Variants in TSPEAR observed in about 807,000 individuals in gnomAD.
TSPEAR encodes thrombospondin-type laminin G domain and EAR repeat-containing protein.
TSPEAR carries 69 observed loss-of-function variants against 71.6 expected under a neutral mutation model. That is an observed-to-expected ratio of 0.96 (90% CI 0.79 to 1.18). The LOEUF (loss-of-function observed/expected upper bound fraction) is 1.18. TSPEAR is among the 50% of genes most tolerant of loss of function. The pLI, the probability that TSPEAR is intolerant of heterozygous loss-of-function variation, is 0.00. For missense variants in TSPEAR, 971 were observed against 894.9 expected (o/e 1.09, Z -1.09); for synonymous variants, 402 against 387.2 (o/e 1.04, Z -0.45).
chr21:44,541,238 C>A (rs1416259111), intron 2 of TSPEAR, among the ~76,000 whole-genome samples: 1 of 152,142 alleles, frequency 6.6e-6, no homozygotes, highest in African/African-American at 2.4e-5. Flanking sequence ...CAAGGAAAAG[C>A]CTTTATAAAA....
intron 1 of TSPEAR, among the ~76,000 whole-genome samples, chr21:44,659,376 C>A (rs587688610): frequency 1.1e-4 from 8 of 74,692 alleles, no homozygotes; most frequent in African/African-American, 4.0e-4. Flanking sequence ...CACTGATACA[C>A]CCTAAGCACA....
intron 1 of TSPEAR, among the ~76,000 whole-genome samples, chr21:44,598,128 G>A (rs938134537): frequency 1.1e-4 from 17 of 151,824 alleles, no homozygotes; most frequent in African/African-American, 3.9e-4. Flanking sequence ...CAGGCATGCC[G>A]CAACATCACT....
At chr21:44,528,692 C>CCCT in intron 5 of TSPEAR, 109 bp from the exon 6 acceptor site, 1 of 1,434,710 alleles carries the variant, frequency 7.0e-7, no homozygotes, top group Non-Finnish European at 9.3e-7. Context: ...CCTCTGCATG[C>CCCT]GGGCCTGGAA....
intron 7 of TSPEAR, among the ~76,000 whole-genome samples, chr21:44,526,955 T>G (rs868974172): frequency 6.6e-6 from 1 of 152,220 alleles, no homozygotes; most frequent in Non-Finnish European, 1.5e-5. Context: ...CATTTTCTAG[T>G]GTCTTTCTGA....
At chr21:44,548,744 T>C (rs1374845527) in intron 2 of TSPEAR, among the ~76,000 whole-genome samples, 1 of 152,202 alleles carries the variant, frequency 6.6e-6, no homozygotes, top group Non-Finnish European at 1.5e-5. Context: ...GCTGCACCAT[T>C]TCCTCTGACG....
At chr21:44,708,007 G>GCGCACA (rs1364706649) in intron 1 of TSPEAR, among the ~76,000 whole-genome samples, 3 of 122,330 alleles carry the variant, frequency 2.5e-5, no homozygotes, top group African/African-American at 1.0e-4. Flanking sequence ...CCCCGCGCGT[G>GCGCACA]CACACACACA....
chr21:44,516,376 TG>T (rs1555913434), intron 9 of TSPEAR: 1 of 152,356 alleles, frequency 6.6e-6, no homozygotes, highest in Admixed American at 6.5e-5. Context: ...TTAGGGTCTG[TG>T]GCAACTGTCC....
intron 1 of TSPEAR, among the ~76,000 whole-genome samples, chr21:44,590,175 A>G (rs1248298214): frequency 6.6e-6 from 1 of 152,242 alleles, no homozygotes; most frequent in Non-Finnish European, 1.5e-5. Flanking sequence ...TGGCGTTGAC[A>G]TGCAAGGGTC....
intron 1 of TSPEAR, among the ~76,000 whole-genome samples, chr21:44,688,336 A>G (rs530631570): frequency 1.1e-4 from 16 of 152,292 alleles, no homozygotes; most frequent in African/African-American, 3.8e-4. Flanking sequence ...AGGATGGCAG[A>G]CCCAGCCCAC....
At chr21:44,594,969 A>G (rs927672370) in intron 1 of TSPEAR, among the ~76,000 whole-genome samples, 2 of 151,710 alleles carry the variant, frequency 1.3e-5, no homozygotes, top group African/African-American at 4.8e-5. Context: ...TTACAGGCAT[A>G]AGCCACCATG....
chr21:44,502,972 C>T (rs1184315210), intron 11 of TSPEAR, among the ~76,000 whole-genome samples: 20 of 65,604 alleles, frequency 3.0e-4, no homozygotes, highest in South Asian at 6.3e-4. Flanking sequence ...GGAAGCTGGC[C>T]TCGGTGAGCC....
chr21:44,656,462 A>AT (rs55880801), intron 1 of TSPEAR, among the ~76,000 whole-genome samples: 35,236 of 151,964 alleles, frequency 0.23, 4,084 homozygotes, highest in Middle Eastern at 0.25. Context: ...GGGTTGGCAA[A>AT]TTTTTTTTGA....
Position 44,528,571 on chromosome 21 carries a change from C to T in TSPEAR, c.803G>A (p.Arg268Gln), listed in dbSNP as rs782817609. Reference protein sequence around the residue: ...VLKYPYETNIRVTLGPQPPCT... With the variant: ...VLKYPYETNIQVTLGPQPPCT... Reference sequence around the variant, plus strand: ...CGGTGGCTGGGGTCCCAGCGTCACTCGAATGTTGGTTTCTGAGGGGAAGAC... The same window carrying T: ...CGGTGGCTGGGGTCCCAGCGTCACTTGAATGTTGGTTTCTGAGGGGAAGAC... The change falls in exon 6 of 12, where the codon CGA becomes CAA. Residue 268 changes from arginine to glutamine, a missense_variant. Physicochemically the swap from Arg to Gln is conservative, Grantham distance 43. Coordinates refer to ENST00000323084, the MANE Select transcript of TSPEAR (RefSeq NM_144991.3). 21 of 1,613,758 alleles carry T rather than the reference C, an allele frequency of 1.3e-5. No individual in the cohort carries two copies. Among genetic ancestry groups the T allele is most frequent in the South Asian group, 7.7e-5 (7 of 91,028 alleles).
intron 1 of TSPEAR, chr21:44,697,871 A>G (rs1555950984): frequency 6.2e-7 from 1 of 1,603,170 alleles, no homozygotes; most frequent in Non-Finnish European, 8.5e-7. Flanking sequence ...CTGCCAGCCA[A>G]GCTGCGGCCG....
chr21:44,580,627 G>A, intron 1 of TSPEAR: 1 of 1,545,472 alleles, frequency 6.5e-7, no homozygotes, highest in African/African-American at 1.4e-5. Flanking sequence ...GTGTGAGTGA[G>A]TGAGTGTGTG....
At chr21:44,698,326 C>A (rs532281507) in intron 1 of TSPEAR, among the ~76,000 whole-genome samples, 3 of 152,188 alleles carry the variant, frequency 2.0e-5, no homozygotes, top group Non-Finnish European at 4.4e-5. Context: ...TGCTGACCAG[C>A]CCGACAGGAG....
intron 9 of TSPEAR, 154 bp from the exon 10 acceptor site, chr21:44,509,540 C>T (rs1021119539): frequency 1.4e-4 from 75 of 538,278 alleles, no homozygotes; most frequent in African/African-American, 1.3e-4. Context: ...GGTGAGCGGG[C>T]GCAGAGGTGT....
At chr21:44,550,422 G>A (rs2053389017) in intron 2 of TSPEAR, 3 of 624,736 alleles carry the variant, frequency 4.8e-6, no homozygotes, top group East Asian at 2.9e-5. Context: ...TGAGACCCAG[G>A]TCAGGAGGGC....
At chr21:44,580,071 G>C in intron 1 of TSPEAR, 1 of 1,613,762 alleles carries the variant, frequency 6.2e-7, no homozygotes, top group South Asian at 1.1e-5. Flanking sequence ...TAGCAGGACT[G>C]CTGGCAGGGG....
Sources: gnomAD v4.1 joint callset for allele counts (sites outside exome capture counted in the v4.1 genomes callset) on GRCh38, gnomAD v4.1.1 for gene constraint, MANE v1.5 for transcripts, NCBI Gene and HGNC (gene_info 2026-07-23, HGNC 2026-07-21) for gene names.